Variants in DCHS2 observed in about 807,000 individuals in gnomAD.
The protein encoded by DCHS2 is dachsous cadherin-related 2, also known as protocadherin-23.
DCHS2 carries 142 observed loss-of-function variants against 182.4 expected under a neutral mutation model. The observed-to-expected ratio is 0.78, with a 90% CI of 0.68 to 0.89. DCHS2 has a LOEUF of 0.89. Among genes scored for constraint, DCHS2 ranks in the 40% least tolerant of loss-of-function variants. The pLI is 0.00. For missense variants in DCHS2, 4,319 were observed against 4,198.6 expected (o/e 1.03, Z -0.79); for synonymous variants, 1,740 against 1,663.3 (o/e 1.05, Z -1.12).
chr4:154,422,584 G>A (rs1436716308), intron 1 of DCHS2, among the ~76,000 whole-genome samples: 2 of 152,160 alleles, frequency 1.3e-5, no homozygotes, highest in East Asian at 3.8e-4. Context: ...CCCAAAACAA[G>A]AGTGATCTAG....
intron 1 of DCHS2, among the ~76,000 whole-genome samples, chr4:154,412,516 G>C (rs1178255022): frequency 1.3e-5 from 2 of 152,020 alleles, no homozygotes; most frequent in Non-Finnish European, 2.9e-5. Context: ...GTCCCTCACC[G>C]AGAAAATGTT....
At chr4:154,297,403 C>T (rs893550916) in intron 13 of DCHS2, among the ~76,000 whole-genome samples, 2 of 152,162 alleles carry the variant, frequency 1.3e-5, no homozygotes, top group Admixed American at 1.3e-4. Context: ...ATATTATTTC[C>T]AGAAGTATCT....
intron 2 of DCHS2, among the ~76,000 whole-genome samples, chr4:154,369,744 C>T (rs1201057876): frequency 2.6e-5 from 4 of 152,176 alleles, no homozygotes; most frequent in African/African-American, 4.8e-5. Context: ...TCTTTTTCCA[C>T]TGATGATTCA....
chr4:154,441,832 A>G (rs559293291), intron 1 of DCHS2, among the ~76,000 whole-genome samples: 125 of 152,250 alleles, frequency 8.2e-4, no homozygotes, highest in African/African-American at 2.9e-3. Context: ...TATGACCAAT[A>G]AGCTCTTGTG....
intron 13 of DCHS2, among the ~76,000 whole-genome samples, chr4:154,292,152 T>C (rs1233567384): frequency 1.3e-5 from 2 of 152,152 alleles, no homozygotes; most frequent in African/African-American, 4.8e-5. Context: ...TAATAAAAAA[T>C]AATGAAAGTT....
At chr4:154,487,744 TAAAAC>T (rs1385549426) in intron 1 of DCHS2, among the ~76,000 whole-genome samples, 2 of 152,182 alleles carry the variant, frequency 1.3e-5, no homozygotes, top group African/African-American at 4.8e-5. Flanking sequence ...GCAAACATCT[TAAAAC>T]AACCCAGGCT....
At chr4:154,430,627 T>C (rs1173826861) in intron 1 of DCHS2, among the ~76,000 whole-genome samples, 2 of 152,236 alleles carry the variant, frequency 1.3e-5, no homozygotes, top group Non-Finnish European at 2.9e-5. Context: ...GTCTGAATTA[T>C]GTATCTTTTA....
rs367894971 is a variant in DCHS2, at chr4:154,255,683, G to A, written c.6790-13C>T. ...CGGTAGCAAAAACCTGTGAGGAACCGACTGTTTCATTAGATAAGATTTATT... is the reference window on the plus strand; with the variant it reads ...CGGTAGCAAAAACCTGTGAGGAACCAACTGTTTCATTAGATAAGATTTATT... On this transcript the variant is annotated splice_polypyrimidine_tract_variant and intron_variant, in intron 15 of 19. Transcript: ENST00000357232. The A allele has an allele frequency of 1.7e-4, 267 of 1,609,636 alleles. No homozygotes were observed. The highest frequency in any genetic ancestry group is 1.6e-4 in the Non-Finnish European group (185 of 1,178,056).
At position 154,237,148 on chromosome 4, in the gene DCHS2, T is replaced by C. The variant is rs1429451109; in HGVS notation, c.7504A>G (p.Thr2502Ala). The change falls in exon 20 of 20, where the codon ACT becomes GCT. Residue 2502 changes from threonine to alanine, a missense_variant. Thr to Ala is a moderately conservative substitution (Grantham distance 58, BLOSUM62 0). Coordinates refer to ENST00000357232, the MANE Select transcript of DCHS2 (RefSeq NM_001358235.2). Reference sequence around the variant, plus strand: ...TCCAGAAGTAATACGGGACTGATAGTAAATATTGTGCCTGAAAAATAAGAC... The same window carrying C: ...TCCAGAAGTAATACGGGACTGATAGCAAATATTGTGCCTGAAAAATAAGAC... Reference protein sequence around the residue: ...SIDPKNGTIFTISPVLLLDTI... With the variant: ...SIDPKNGTIFAISPVLLLDTI... 6.2e-7 allele frequency: 1 copy of C among 1,607,744 alleles called. No homozygotes were observed. The highest frequency in any genetic ancestry group is 8.5e-7 in the Non-Finnish European group (1 of 1,177,830).
intron 1 of DCHS2, among the ~76,000 whole-genome samples, chr4:154,400,012 A>T (rs930210145): frequency 6.6e-6 from 1 of 152,192 alleles, no homozygotes; most frequent in South Asian, 2.1e-4. Flanking sequence ...AAAAGTAAGT[A>T]GGCTTTCACG....
At chr4:154,391,228 CA>C in intron 1 of DCHS2, 1 of 1,613,668 alleles carries the variant, frequency 6.2e-7, no homozygotes, top group Non-Finnish European at 8.5e-7. Flanking sequence ...TCAGTACTTT[CA>C]AACTGCTGAG....
At chr4:154,361,751 C>G (rs540977142) in intron 3 of DCHS2, among the ~76,000 whole-genome samples, 1 of 151,984 alleles carries the variant, frequency 6.6e-6, no homozygotes, top group Non-Finnish European at 1.5e-5. Context: ...CGCCACACCC[C>G]CTTCTAGTTT....
intron 2 of DCHS2, among the ~76,000 whole-genome samples, chr4:154,374,807 A>G (rs1459507906): frequency 2.0e-5 from 3 of 152,164 alleles, no homozygotes; most frequent in Non-Finnish European, 4.4e-5. Flanking sequence ...AAAAAGAAAC[A>G]AGGAAGGTCT....
chr4:154,473,696 A>G (rs911189996), intron 1 of DCHS2, among the ~76,000 whole-genome samples: 58 of 152,270 alleles, frequency 3.8e-4, no homozygotes, highest in African/African-American at 1.4e-3. Flanking sequence ...GAAGCGGAAG[A>G]TGATGAGTAT....
At chr4:154,267,665 C>T (rs933656594) in intron 14 of DCHS2, among the ~76,000 whole-genome samples, 4 of 151,608 alleles carry the variant, frequency 2.6e-5, no homozygotes, top group African/African-American at 9.7e-5. Flanking sequence ...CTGGTGCTTC[C>T]TTTGTACATC....
chr4:154,300,672 C>G (rs1375479328), intron 12 of DCHS2, among the ~76,000 whole-genome samples: 1 of 151,758 alleles, frequency 6.6e-6, no homozygotes, highest in Non-Finnish European at 1.5e-5. Context: ...TGTGAATGCA[C>G]CACTGCACAG....
intron 10 of DCHS2, among the ~76,000 whole-genome samples, chr4:154,308,957 A>T (rs1735566503): frequency 6.6e-6 from 1 of 152,192 alleles, no homozygotes; most frequent in South Asian, 2.1e-4. Flanking sequence ...AGAGGGAAGA[A>T]AGAACATTTG....
intron 1 of DCHS2, among the ~76,000 whole-genome samples, chr4:154,380,814 T>C (rs77886277): frequency 1.1e-3 from 163 of 152,192 alleles, no homozygotes; most frequent in African/African-American, 3.9e-3. Context: ...ATCCCACCTA[T>C]TGGGTCTTGA....
At chr4:154,308,669 C>T (rs908314580) in intron 10 of DCHS2, among the ~76,000 whole-genome samples, 27 of 152,280 alleles carry the variant, frequency 1.8e-4, no homozygotes, top group Admixed American at 5.2e-4. Context: ...GGGAGTGGAT[C>T]ATAGAAGACT....
Sources: gnomAD v4.1 joint callset for allele counts (sites outside exome capture counted in the v4.1 genomes callset) on GRCh38, gnomAD v4.1.1 for gene constraint, MANE v1.5 for transcripts, NCBI Gene and HGNC (gene_info 2026-07-23, HGNC 2026-07-21) for gene names.